The following B4GALNT3 variants were observed in gnomAD, a reference collection of about 807,000 sequenced individuals.
The protein encoded by B4GALNT3 is beta-1,4-N-acetylgalactosaminyltransferase 3.
A neutral mutation model predicts 120.2 loss-of-function variants in B4GALNT3; 86 were observed. That is an observed-to-expected ratio of 0.72 (90% CI 0.60 to 0.86). B4GALNT3 has a LOEUF of 0.86. Among genes scored for constraint, B4GALNT3 ranks in the 40% least tolerant of loss-of-function variants. The probability of loss-of-function intolerance (pLI) is 0.00; values close to 1 mark genes in which losing one functional copy is unlikely to be tolerated. For synonymous variants in B4GALNT3, 518 were observed against 510.4 expected (o/e 1.01, Z -0.20); for missense variants, 1,167 against 1,298.9 (o/e 0.90, Z 1.56).
chr12:465,516 GTT>G lies in B4GALNT3; in HGVS notation c.169+4983_169+4984del, dbSNP rs11350211. Reference sequence around the variant, plus strand: ...GAAGATAAGCGATAAGACATCAATGGTTTTTTTTTTTTTAATCATAAGCGTAT... The same window carrying G: ...GAAGATAAGCGATAAGACATCAATGGTTTTTTTTTTTAATCATAAGCGTAT... On this transcript the variant is annotated intron_variant, in intron 1 of 19. Transcript: ENST00000266383. Among the ~76,000 whole-genome samples the G allele has an allele frequency of 2.6e-4, 39 of 148,748 alleles. No individual in the cohort carries two copies. In the East Asian group the frequency reaches 3.1e-3, roughly 12 times the overall value.
intron 1 of B4GALNT3, among the ~76,000 whole-genome samples, chr12:533,458 A>C (rs147757482): frequency 6.6e-6 from 1 of 152,246 alleles, no homozygotes; most frequent in East Asian, 1.9e-4. Context: ...CCCTGCAACC[A>C]TAACACGAGT....
At chr12:489,771 G>T (rs1187363995) in intron 1 of B4GALNT3, among the ~76,000 whole-genome samples, 2 of 152,170 alleles carry the variant, frequency 1.3e-5, no homozygotes, top group African/African-American at 4.8e-5. Context: ...GGATATAATT[G>T]ACATCTATGA....
intron 1 of B4GALNT3, among the ~76,000 whole-genome samples, chr12:524,407 G>A (rs758657433): frequency 3.9e-5 from 6 of 152,220 alleles, no homozygotes; most frequent in Non-Finnish European, 7.3e-5. Context: ...GCAGAAAAGA[G>A]AAAGGGCTTA....
chr12:491,270 G>C (rs550685293), intron 1 of B4GALNT3, among the ~76,000 whole-genome samples: 2 of 151,352 alleles, frequency 1.3e-5, no homozygotes, highest in East Asian at 3.9e-4. Context: ...AAAATTACAT[G>C]ATCATATCAA....
At chr12:559,755 C>T (rs1304828922) in intron 19 of B4GALNT3, among the ~76,000 whole-genome samples, 1 of 152,104 alleles carries the variant, frequency 6.6e-6, no homozygotes, top group Non-Finnish European at 1.5e-5. Context: ...ACTGCATCCT[C>T]CCCAGCCCGA....
intron 1 of B4GALNT3, among the ~76,000 whole-genome samples, chr12:472,890 A>G (rs1461190411): frequency 6.6e-6 from 1 of 152,202 alleles, no homozygotes; most frequent in Non-Finnish European, 1.5e-5. Context: ...TGTCTAGCCA[A>G]CATAAATTGT....
intron 14 of B4GALNT3, chr12:555,403 T>A (rs1325613627): frequency 4.4e-6 from 2 of 456,552 alleles, no homozygotes; most frequent in Admixed American, 4.7e-5. Context: ...ATTCGTGTTG[T>A]AGAATCTATT....
Position 553,925 on chromosome 12 carries a change from C to T in B4GALNT3, c.2002C>T (p.Gln668Ter), listed in dbSNP as rs1274557026. The change falls in exon 14 of 20, where the codon CAG becomes TAG. Residue 668 changes from glutamine to a stop codon, truncating the protein, a stop_gained. Transcript: ENST00000266383. LOFTEE classifies it high-confidence loss of function. ...ATCTGGCAACCTGCTGCTTCCAGAG[C>T]AGGAAGCTCTGGAGGTCACGCGAGT... ...NTSGNLLLPE[Q>*]EALEVTRVFL... The T allele has an allele frequency of 6.2e-7, 1 of 1,613,950 alleles. No homozygotes were observed. Among genetic ancestry groups the T allele is most frequent in the African/African-American group, 1.3e-5 (1 of 74,932 alleles).
intron 1 of B4GALNT3, among the ~76,000 whole-genome samples, chr12:499,189 C>G (rs1308863790): frequency 6.6e-6 from 1 of 152,228 alleles, no homozygotes; most frequent in East Asian, 1.9e-4. Context: ...AAATTGCCTA[C>G]CTGGCTGTGG....
At position 548,146 on chromosome 12, in the gene B4GALNT3, C is replaced by T. The variant is rs1475220913; in HGVS notation, c.786+44C>T. 6.2e-7 allele frequency: 1 copy of T among 1,607,234 alleles called. No homozygotes were observed. The highest frequency in any genetic ancestry group is 1.7e-5 in the Admixed American group (1 of 60,016). On this transcript the variant is annotated intron_variant, in intron 8 of 19. Transcript: ENST00000266383. This position sits in a 1 kb window ranked among gnomAD's most constrained non-coding sequence, Gnocchi z 4.9. ...CCGCCTCTCCCAGCTCAGTTCCTGG[C>T]ACTCATCTCCCCTTGTCCCTTGACC...
intron 6 of B4GALNT3, among the ~76,000 whole-genome samples, 174 bp from the exon 7 acceptor site, chr12:546,472 G>A (rs1411307948): frequency 6.6e-6 from 1 of 152,058 alleles, no homozygotes; most frequent in African/African-American, 2.4e-5. Flanking sequence ...CGTGGGCAAC[G>A]CTCACTCCTT....
chr12:490,117 AATTTATAACACTGAATGCTTAT>A (rs1306687243), intron 1 of B4GALNT3, among the ~76,000 whole-genome samples: 1 of 152,198 alleles, frequency 6.6e-6, no homozygotes, highest in East Asian at 1.9e-4. Context: ...CTTAGAGGGA[AATTTATAACACTGAATGCTTAT>A]ATTAGAAGAG....
intron 1 of B4GALNT3, among the ~76,000 whole-genome samples, chr12:512,976 T>TTCCACTTTCCACCC (rs1946610374): frequency 7.6e-6 from 1 of 131,536 alleles, no homozygotes; most frequent in Non-Finnish European, 1.6e-5. Context: ...ACTTTCCACC[T>TTCCACTTTCCACCC]TCCACCTTCG....
At chr12:471,746 T>TAAAG (rs200683581) in intron 1 of B4GALNT3, among the ~76,000 whole-genome samples, 10,076 of 151,002 alleles carry the variant, frequency 0.067, 574 homozygotes, top group African/African-American at 0.16. Context: ...TAAATATAAA[T>TAAAG]AAACTACATC....
chr12:529,331 G>T (rs1337011640), intron 1 of B4GALNT3, among the ~76,000 whole-genome samples: 1 of 152,162 alleles, frequency 6.6e-6, no homozygotes, highest in Non-Finnish European at 1.5e-5. Flanking sequence ...CTTTTGGTTG[G>T]GGTCGGGGTT....
At position 535,208 on chromosome 12, in the gene B4GALNT3, G is replaced by A. The variant is rs1420735607; in HGVS notation, c.212G>A (p.Arg71Lys). ...WRELAKALASRNIPAVDPHLQ... is the reference protein window; with the variant it reads ...WRELAKALASKNIPAVDPHLQ... ...GAACTGGCCAAGGCTCTGGCCAGCA[G>A]GAACATTCCAGCTGTGGATCCACAC... is the stretch of plus-strand genomic sequence containing the variant. Residue 71 changes from arginine (R) to lysine (K), a missense_variant, in exon 2 of 20, where the codon AGG becomes AAG. Coordinates refer to ENST00000266383, the MANE Select transcript of B4GALNT3 (RefSeq NM_173593.4). 3 of 1,613,924 alleles carry A rather than the reference G, an allele frequency of 1.9e-6. No individual in the cohort carries two copies. Among genetic ancestry groups the A allele is most frequent in the Non-Finnish European group, 2.5e-6 (3 of 1,179,972 alleles).
At chr12:487,883 T>A (rs1946305199) in intron 1 of B4GALNT3, among the ~76,000 whole-genome samples, 1 of 151,910 alleles carries the variant, frequency 6.6e-6, no homozygotes, top group Non-Finnish European at 1.5e-5. Flanking sequence ...CCCAGGAGGC[T>A]GAGGCTGCAG....
chr12:543,957 T>C (rs1481285336), intron 3 of B4GALNT3, among the ~76,000 whole-genome samples: 47 of 48,440 alleles, frequency 9.7e-4, no homozygotes, highest in Middle Eastern at 0.018. Context: ...CTGGGGCGGG[T>C]GTGGGATGCT....
intron 2 of B4GALNT3, among the ~76,000 whole-genome samples, 177 bp from the exon 3 acceptor site, chr12:536,041 C>T (rs1377737405): frequency 6.6e-6 from 1 of 152,224 alleles, no homozygotes; most frequent in Non-Finnish European, 1.5e-5. Flanking sequence ...AGTGAAGGAA[C>T]CCGAGGAGCA....
Sources: allele counts gnomAD v4.1 joint callset (sites outside exome capture counted in the v4.1 genomes callset), GRCh38; gene constraint gnomAD v4.1.1; non-coding constraint Gnocchi (gnomAD v3.1); transcripts MANE v1.5; gene names NCBI Gene and HGNC (gene_info 2026-07-23, HGNC 2026-07-21).